FABP6: variants seen among roughly 807,000 people sequenced by gnomAD.
FABP6 encodes gastrotropin.
In FABP6, 13 loss-of-function variants were observed where a neutral mutation model predicts 14.9. That is an observed-to-expected ratio of 0.87 (90% confidence interval 0.57 to 1.39). FABP6 has a LOEUF of 1.39. Among genes scored for constraint, FABP6 ranks in the 40% most tolerant of loss-of-function variants. The pLI is 0.00. For missense variants in FABP6, 161 were observed against 167.2 expected (o/e 0.96, Z 0.20); for synonymous variants, 75 against 63.6 (o/e 1.18, Z -0.85).
intron 1 of FABP6, 94 bp from the exon 2 acceptor site, chr5:160,232,004 G>C: frequency 7.1e-7 from 1 of 1,415,276 alleles, no homozygotes; most frequent in Non-Finnish European, 9.7e-7. Flanking sequence ...GCACAAGGGG[G>C]TAGGGCGGTG....
chr5:160,199,488 C>T (rs1461937620), intron 2 of FABP6, among the ~76,000 whole-genome samples: 3 of 152,100 alleles, frequency 2.0e-5, no homozygotes, highest in Non-Finnish European at 4.4e-5. Context: ...TGCGCCACCC[C>T]GGGCCGTGCC....
intron 2 of FABP6, among the ~76,000 whole-genome samples, chr5:160,213,055 G>A (rs11135094): frequency 0.61 from 93,128 of 152,042 alleles, 28,740 homozygotes; most frequent in African/African-American, 0.64. Context: ...CACCTATCCA[G>A]CCCACAGTCC....
upstream of FABP6, among the ~76,000 whole-genome samples, chr5:160,226,003 G>A (rs1201523146): frequency 6.6e-6 from 1 of 150,560 alleles, no homozygotes; most frequent in East Asian, 2.0e-4. Flanking sequence ...GCAAACTCCT[G>A]TCTCTATTAA....
At chr5:160,231,223 A>G (rs148247184) in intron 1 of FABP6, among the ~76,000 whole-genome samples, 37 of 152,296 alleles carry the variant, frequency 2.4e-4, no homozygotes, top group African/African-American at 7.5e-4. Context: ...TGAAGGAGCA[A>G]TGACTTGGCT....
chr5:160,209,416 G>A (rs1269624003), intron 2 of FABP6, among the ~76,000 whole-genome samples: 2 of 152,130 alleles, frequency 1.3e-5, no homozygotes, highest in Non-Finnish European at 2.9e-5. Flanking sequence ...CTAGCTACTT[G>A]GGGGACTGAG....
intron 1 of FABP6, among the ~76,000 whole-genome samples, chr5:160,192,040 A>T (rs1230337513): frequency 1.3e-5 from 2 of 152,062 alleles, no homozygotes; most frequent in Non-Finnish European, 2.9e-5. Flanking sequence ...TTGACCTCTT[A>T]AAGTGCTTTC....
At chr5:160,190,666 A>G (rs1759376505) in intron 1 of FABP6, among the ~76,000 whole-genome samples, 1 of 152,172 alleles carries the variant, frequency 6.6e-6, no homozygotes, top group African/African-American at 2.4e-5. Context: ...ATGGGCCCTA[A>G]GTCTAGGAGC....
At chr5:160,234,255 AC>A (rs2113146486) in intron 2 of FABP6, among the ~76,000 whole-genome samples, 1 of 152,236 alleles carries the variant, frequency 6.6e-6, no homozygotes, top group East Asian at 1.9e-4. Context: ...GCTTCAGCAC[AC>A]AGCATAAGCA....
At chr5:160,190,955 G>GA (rs35006979) in intron 1 of FABP6, among the ~76,000 whole-genome samples, 97,923 of 147,278 alleles carry the variant, frequency 0.66, 32,378 homozygotes, top group South Asian at 0.74. Context: ...TACTAAACAT[G>GA]AAAAAAAAAA....
At chr5:160,235,769 A>T (rs574400155) in intron 3 of FABP6, among the ~76,000 whole-genome samples, 229 of 151,584 alleles carry the variant, frequency 1.5e-3, no homozygotes, top group African/African-American at 5.2e-3. Flanking sequence ...TCCTTCTTTG[A>T]TCCTTCTCTC....
At chr5:160,213,786 C>T (rs1759947044) in exon 3 of FABP6, 1 of 1,613,628 alleles carries the variant, frequency 6.2e-7, no homozygotes, top group Admixed American at 1.7e-5. Flanking sequence ...GGAAAGGAGA[C>T]CTGCAGAGAA....
At position 160,232,117 on chromosome 5, in the gene FABP6, C is replaced by T. The variant is rs562329727; in HGVS notation, c.87C>T (p.Ile29=). The change falls in exon 2 of 4, where the codon ATC becomes ATT. Residue 29 remains isoleucine, a synonymous_variant. Coordinates refer to ENST00000402432, the MANE Select transcript of FABP6 (RefSeq NM_001445.3). ...MKLLGISSDV[I]EKARNFKIVT... ...GTCCAGGGATCTCCAGCGATGTAAT[C>T]GAAAAGGCCCGCAACTTCAAGATCG... 29 of 1,613,922 alleles carry T rather than the reference C, an allele frequency of 1.8e-5. No homozygotes were observed. The African/African-American group carries it at 2.1e-4, about 12-fold the overall frequency.
intron 1 of FABP6, among the ~76,000 whole-genome samples, chr5:160,195,323 C>T (rs2113061155): frequency 7.0e-6 from 1 of 142,268 alleles, no homozygotes; most frequent in East Asian, 2.2e-4. Flanking sequence ...ACTCTCCTTT[C>T]TGAGGCCAGC....
chr5:160,237,174 T>A (rs949483667), intron 3 of FABP6, among the ~76,000 whole-genome samples: 7 of 152,042 alleles, frequency 4.6e-5, no homozygotes, highest in Non-Finnish European at 1.5e-5. Flanking sequence ...CTCCCCAGCC[T>A]GTGAGGTGTG....
intron 3 of FABP6, among the ~76,000 whole-genome samples, chr5:160,236,161 GC>G (rs951445570): frequency 6.6e-6 from 1 of 151,924 alleles, no homozygotes; most frequent in Non-Finnish European, 1.5e-5. Flanking sequence ...GATTACAGGA[GC>G]CCACCATCAC....
In FABP6 at chr5:160,189,308, A is replaced by G. The variant is rs573066311; in HGVS notation, c.-59+1854A>G. On this transcript the variant is annotated intron_variant, in intron 1 of 6. Transcript: ENST00000393980. The stretch of plus-strand genomic sequence containing the variant: ...CCAGGCTGGAGTGCAATGGCAGGAT[A>G]TCGGTTCACTGCAACCTCCACTTCC... 5.3e-5 allele frequency among the ~76,000 whole-genome samples: 8 copies of G among 152,132 alleles called. No homozygotes were observed. In the South Asian group the frequency reaches 1.7e-3, roughly 32 times the overall value.
chr5:160,210,934 C>A (rs953996486), intron 2 of FABP6, among the ~76,000 whole-genome samples: 1 of 152,174 alleles, frequency 6.6e-6, no homozygotes, highest in African/African-American at 2.4e-5. Flanking sequence ...GGAGAGGGGG[C>A]AATGAATGAT....
intron 3 of FABP6, among the ~76,000 whole-genome samples, chr5:160,235,619 C>T (rs1760491440): frequency 6.6e-6 from 1 of 152,164 alleles, no homozygotes; most frequent in Non-Finnish European, 1.5e-5. Flanking sequence ...ACTTCATTCC[C>T]TCACTGTGAG....
In FABP6 at chr5:160,214,311, G is replaced by A. The variant is rs150475783; in HGVS notation, c.135+492G>A. Among the ~76,000 whole-genome samples, 1,175 of 151,674 alleles carry A rather than the reference G, an allele frequency of 7.7e-3. 10 individuals are homozygous for A. The highest frequency in any genetic ancestry group is 0.025 in the African/African-American group (1,053 of 41,400). On this transcript the variant is annotated intron_variant, in intron 3 of 6. Transcript: ENST00000393980. ...CCCTATTAGCTGGGATTACAGGCAC[G>A]TGCCACCATGCCTGGTTAATTTTTT...
Sources: allele counts gnomAD v4.1 joint callset (sites outside exome capture counted in the v4.1 genomes callset), GRCh38; gene constraint gnomAD v4.1.1; transcripts MANE v1.5; gene names NCBI Gene and HGNC (gene_info 2026-07-23, HGNC 2026-07-21).